MATR3: variants seen among roughly 807,000 people sequenced by gnomAD.
The protein encoded by MATR3 is matrin-3.
A neutral mutation model predicts 85.5 loss-of-function variants in MATR3; 4 were observed. The ratio of observed to expected loss-of-function variants is 0.05; its 90% CI spans 0.02 to 0.11. The LOEUF (loss-of-function observed/expected upper bound fraction) is 0.11, where lower values mean the gene tolerates loss of function less well. MATR3 is among the 10% of genes least tolerant of loss of function. The pLI, the probability that MATR3 is intolerant of heterozygous loss-of-function variation, is 1.00. For synonymous variants in MATR3, 336 were observed against 343.1 expected (o/e 0.98, Z 0.23); for missense variants, 685 against 1,016.1 (o/e 0.67, Z 4.43).
At chr5:139,282,531 C>T (rs1439277664) in intron 3 of MATR3, among the ~76,000 whole-genome samples, 1 of 152,148 alleles carries the variant, frequency 6.6e-6, no homozygotes, top group Admixed American at 6.5e-5. Context: ...TTTTATTTTA[C>T]AATACTTTTA....
chr5:139,315,899 T>A (rs1474442887), intron 4 of MATR3, 161 bp downstream of exon 4: 2 of 753,912 alleles, frequency 2.7e-6, no homozygotes, highest in African/African-American at 3.5e-5. Context: ...GAATATATAT[T>A]ATGTAGTAAT....
At chr5:139,279,317 C>T (rs1753426148) in intron 3 of MATR3, 3 of 359,900 alleles carry the variant, frequency 8.3e-6, no homozygotes, top group Admixed American at 6.9e-5. Flanking sequence ...CAACCTCTGC[C>T]TCCTGGGTTC....
At chr5:139,293,212 A>G (rs555396835), upstream of MATR3, 1 of 152,306 alleles carries the variant, frequency 6.6e-6, no homozygotes, top group South Asian at 2.1e-4. Context: ...ATGAGCCATG[A>G]TAACGCCAGC....
At chr5:139,328,848 CA>C (rs1304370322) in intron 14 of MATR3, among the ~76,000 whole-genome samples, 22 of 152,026 alleles carry the variant, frequency 1.4e-4, no homozygotes. Context: ...ACCAAAAGTA[CA>C]AAAAAATTAA....
chr5:139,323,504 T>C (rs1243181573), intron 12 of MATR3, among the ~76,000 whole-genome samples: 1 of 152,184 alleles, frequency 6.6e-6, no homozygotes, highest in Non-Finnish European at 1.5e-5. Context: ...AATACACACA[T>C]GCTATAAAGA....
intron 2 of MATR3, chr5:139,311,145 C>T (rs995534955): frequency 6.6e-6 from 1 of 152,142 alleles, no homozygotes; most frequent in Non-Finnish European, 1.5e-5. Context: ...CTTCCTTTCA[C>T]TTAAAGAAAA....
intron 8 of MATR3, 102 bp from the exon 9 acceptor site, chr5:139,319,232 C>CTT: frequency 7.4e-7 from 1 of 1,351,734 alleles, no homozygotes; most frequent in Admixed American, 1.8e-5. Context: ...AGCAAGACCT[C>CTT]GTCTCTATAA....
At chr5:139,321,078 G>T (rs1282682444) in intron 9 of MATR3, among the ~76,000 whole-genome samples, 1 of 151,606 alleles carries the variant, frequency 6.6e-6, no homozygotes, top group African/African-American at 2.4e-5. Context: ...TTTGCAGAGT[G>T]TATATAGATG....
At chr5:139,276,335 A>G in intron 2 of MATR3, 1 of 406,798 alleles carries the variant, frequency 2.5e-6, no homozygotes. Flanking sequence ...CTTATCCATT[A>G]AGGCAGGCGT....
upstream of MATR3, chr5:139,292,196 A>C (rs1411550166): frequency 6.6e-6 from 1 of 152,020 alleles, no homozygotes; most frequent in East Asian, 1.9e-4. Flanking sequence ...TCTTGAACTC[A>C]AGTGATCCAC....
chr5:139,291,818 C>T (rs1441052356), upstream of MATR3, among the ~76,000 whole-genome samples: 1 of 152,140 alleles, frequency 6.6e-6, no homozygotes, highest in East Asian at 1.9e-4. Context: ...GGATTACAGG[C>T]ATGAGTCACC....
At chr5:139,298,014 G>GC (rs1378782233) in intron 1 of MATR3, among the ~76,000 whole-genome samples, 2 of 152,120 alleles carry the variant, frequency 1.3e-5, no homozygotes, top group African/African-American at 4.8e-5. Flanking sequence ...GTCTTAGTGG[G>GC]CCAGCAGTAA....
rs897058231 is a variant in MATR3, at chr5:139,293,870, G to A, written c.-178+65G>A. On this transcript the variant is annotated intron_variant, in intron 1 of 14. Coordinates refer to ENST00000394805, the MANE Select transcript of MATR3 (RefSeq NM_018834.6). Reference sequence around the variant, plus strand: ...GGGGTTCTCCGTGTCCGCCGGGAGGGGACAACGACGGCGACAGGGGCTGCG... The same window carrying A: ...GGGGTTCTCCGTGTCCGCCGGGAGGAGACAACGACGGCGACAGGGGCTGCG... The A allele has an allele frequency of 5.7e-6, 4 of 705,876 alleles. No homozygotes were observed. The East Asian group carries it at 1.0e-4, about 18-fold the overall frequency. 43.7% of individuals were successfully genotyped at this position (705,876 alleles called of 1,614,324 possible). A position where few individuals can be genotyped will look rare whatever the true frequency, so the allele number is the denominator to read the frequency against.
intron 3 of MATR3, chr5:139,280,834 ATT>A (rs1191192780): frequency 6.6e-5 from 2 of 30,242 alleles, no homozygotes; most frequent in African/African-American, 4.4e-4. Context: ...AAAATAGATA[ATT>A]CATTGGTATT....
At position 139,319,445 on chromosome 5, in the gene MATR3, C is replaced by A. The variant is rs868055761; in HGVS notation, c.1546C>A (p.Leu516Ile). Residue 516 changes from leucine to isoleucine, a missense_variant, in exon 9 of 15, where the codon CTT becomes ATT. By Grantham distance (5) the Leu-to-Ile change is conservative (BLOSUM62 2). This residue lies in a region of MATR3 where 50 missense variants were observed against 133.4 expected (regional missense o/e 0.37). Coordinates refer to ENST00000394805, the MANE Select transcript of MATR3 (RefSeq NM_018834.6). Reference protein sequence around the residue: ...SGYSDSAVLKLAEPYGKIKNY... With the variant: ...SGYSDSAVLKIAEPYGKIKNY... Reference sequence around the variant, plus strand: ...CTATTCTGATAGTGCTGTTCTCAAGCTTGCTGAGCCTTATGGGAAAATAAA... The same window carrying A: ...CTATTCTGATAGTGCTGTTCTCAAGATTGCTGAGCCTTATGGGAAAATAAA... 1.2e-6 allele frequency: 2 copies of A among 1,613,888 alleles called. No individual in the cohort carries two copies. The highest frequency in any genetic ancestry group is 1.7e-6 in the Non-Finnish European group (2 of 1,179,896).
At chr5:139,315,593 C>A in intron 3 of MATR3, 104 bp from the exon 4 acceptor site, 1 of 766,894 alleles carries the variant, frequency 1.3e-6, no homozygotes. Context: ...CTTAGACTCT[C>A]AGATAACTTT....
chr5:139,301,583 A>G (rs556031999), intron 1 of MATR3, among the ~76,000 whole-genome samples: 50 of 152,256 alleles, frequency 3.3e-4, no homozygotes, highest in African/African-American at 1.2e-3. Context: ...CGGCCTCCCA[A>G]AGGGCTGGGA....
At position 139,307,399 on chromosome 5, in the gene MATR3, C is replaced by T; in HGVS notation, c.-17C>T. The T allele has an allele frequency of 6.2e-7, 1 of 1,608,952 alleles. No homozygotes were observed. The highest frequency in any genetic ancestry group is 8.5e-7 in the Non-Finnish European group (1 of 1,177,544). On this transcript the variant is annotated 5_prime_UTR_variant, in exon 2 of 15. Transcript: ENST00000394805. This position sits in a 1 kb window ranked among gnomAD's most constrained non-coding sequence, Gnocchi z 4.4. ...TTTTTTTTTTAATCTATAAAATAGA[C>T]AAGAGCTAGTTCTACAATGTCCAAG...
chr5:139,317,198 C>T (rs1755295282), intron 6 of MATR3, 93 bp downstream of exon 6: 3 of 1,169,330 alleles, frequency 2.6e-6, no homozygotes, highest in Non-Finnish European at 3.8e-6. Context: ...TATCGTGGTC[C>T]TTATGGGAAC....
Sources: allele counts gnomAD v4.1 joint callset (sites outside exome capture counted in the v4.1 genomes callset), GRCh38; gene constraint gnomAD v4.1.1; regional missense constraint gnomAD v4.1.1; non-coding constraint Gnocchi (gnomAD v3.1); transcripts MANE v1.5; gene names NCBI Gene and HGNC (gene_info 2026-07-23, HGNC 2026-07-21).